Variants in WIPF1 observed in about 807,000 individuals in gnomAD.
The protein encoded by WIPF1 is WAS/WASL interacting protein family member 1.
In WIPF1, 13 loss-of-function variants were observed where a neutral mutation model predicts 35.4. The observed-to-expected ratio is 0.37, with a 90% CI of 0.24 to 0.58. The LOEUF is 0.58. Ranked by LOEUF, WIPF1 falls within the 20% of genes least tolerant of loss-of-function variation. The pLI, the probability that WIPF1 is intolerant of heterozygous loss-of-function variation, is 0.74. For missense variants in WIPF1, 591 were observed against 667.0 expected (o/e 0.89, Z 1.25); for synonymous variants, 267 against 266.3 (o/e 1.00, Z -0.02).
At chr2:174,682,758 G>A (rs1688282698) in intron 1 of WIPF1, 1 of 151,644 alleles carries the variant, frequency 6.6e-6, no homozygotes, top group South Asian at 2.1e-4. Context: ...CGCGCCAGAG[G>A]CGACGCGTCC....
At chr2:174,642,763 C>G (rs1425528686) in intron 1 of WIPF1, among the ~76,000 whole-genome samples, 1 of 149,158 alleles carries the variant, frequency 6.7e-6, no homozygotes, top group Non-Finnish European at 1.5e-5. Flanking sequence ...GATCCTCCTA[C>G]CTCAGCCTCC....
At chr2:174,586,459 G>C (rs1357750583) in intron 1 of WIPF1, among the ~76,000 whole-genome samples, 4 of 152,158 alleles carry the variant, frequency 2.6e-5, no homozygotes, top group Non-Finnish European at 5.9e-5. Flanking sequence ...ACAAAGGGAA[G>C]ACCAGATTCC....
At chr2:174,682,263 G>A (rs13390059) in intron 1 of WIPF1, among the ~76,000 whole-genome samples, 92 of 152,258 alleles carry the variant, frequency 6.0e-4, no homozygotes, top group African/African-American at 2.2e-3. Flanking sequence ...GGAGGGAGGC[G>A]GGCTGGAGCG....
At chr2:174,568,202 T>G in intron 5 of WIPF1, 129 bp from the exon 6 acceptor site, 1 of 1,179,958 alleles carries the variant, frequency 8.5e-7, no homozygotes. Context: ...TTCTAGGATA[T>G]TTGGCTGAGA....
intron 1 of WIPF1, among the ~76,000 whole-genome samples, chr2:174,594,065 C>T (rs1685719289): frequency 6.6e-6 from 1 of 152,244 alleles, no homozygotes; most frequent in Admixed American, 6.5e-5. Context: ...GCTTGCCATA[C>T]ACAGAATCCC....
intron 1 of WIPF1, among the ~76,000 whole-genome samples, chr2:174,661,877 G>A (rs1687768803): frequency 1.3e-5 from 2 of 152,170 alleles, no homozygotes; most frequent in Admixed American, 6.5e-5. Flanking sequence ...GTCTGGGGGG[G>A]TGTGGCTGCC....
intron 1 of WIPF1, among the ~76,000 whole-genome samples, chr2:174,609,153 G>T (rs1385844675): frequency 2.0e-5 from 3 of 152,166 alleles, no homozygotes; most frequent in African/African-American, 7.2e-5. Flanking sequence ...GGATTCAGAT[G>T]ATCTGCAATG....
intron 2 of WIPF1, among the ~76,000 whole-genome samples, chr2:174,583,581 G>C (rs1038227780): frequency 6.6e-6 from 1 of 152,112 alleles, no homozygotes; most frequent in Non-Finnish European, 1.5e-5. Flanking sequence ...TTTGAATTAG[G>C]TAACAACGGA....
chr2:174,670,169 C>A (rs1341788429), intron 1 of WIPF1, among the ~76,000 whole-genome samples: 1 of 152,110 alleles, frequency 6.6e-6, no homozygotes, highest in Non-Finnish European at 1.5e-5. Flanking sequence ...GATTAGGATT[C>A]CTTGCTTTTC....
intron 1 of WIPF1, among the ~76,000 whole-genome samples, chr2:174,638,853 G>A (rs536905912): frequency 7.2e-5 from 11 of 152,086 alleles, no homozygotes; most frequent in South Asian, 2.1e-4. Flanking sequence ...CACGGAGGGC[G>A]GATAACTCTT....
chr2:174,609,918 T>C (rs1029516946), intron 1 of WIPF1, among the ~76,000 whole-genome samples: 1 of 152,206 alleles, frequency 6.6e-6, no homozygotes, highest in Non-Finnish European at 1.5e-5. Flanking sequence ...TTACCAAACA[T>C]ATCACAGAGG....
intron 1 of WIPF1, among the ~76,000 whole-genome samples, chr2:174,610,590 C>A (rs189845801): frequency 2.5e-4 from 38 of 152,214 alleles, no homozygotes; most frequent in African/African-American, 8.7e-4. Context: ...TCACCCCCAC[C>A]ATCATTAAAT....
At chr2:174,640,576 C>T (rs1379800859) in intron 1 of WIPF1, among the ~76,000 whole-genome samples, 1 of 151,270 alleles carries the variant, frequency 6.6e-6, no homozygotes, top group Non-Finnish European at 1.5e-5. Flanking sequence ...ATCCCATGTA[C>T]ATGGATTTTA....
At chr2:174,623,237 A>C (rs1686731734) in intron 1 of WIPF1, among the ~76,000 whole-genome samples, 1 of 152,246 alleles carries the variant, frequency 6.6e-6, no homozygotes, top group East Asian at 1.9e-4. Flanking sequence ...TGAAACCAAT[A>C]AACATTTACT....
chr2:174,659,361 A>G lies in WIPF1; in HGVS notation c.-39+23413T>C, dbSNP rs113301231. Among the ~76,000 whole-genome samples, 11 of 152,336 alleles carry G rather than the reference A, an allele frequency of 7.2e-5. 3 individuals are homozygous for G. The highest frequency in any genetic ancestry group is 2.6e-4 in the African/African-American group (11 of 41,584). On this transcript the variant is annotated intron_variant, in intron 1 of 8. Coordinates refer to the WIPF1 transcript ENST00000272746. Reference sequence around the variant, plus strand: ...CAAAATCCATGGGTGTCTCAAGGAGAAGCATTATTTAAAGAATATAGTGCA... The same window carrying G: ...CAAAATCCATGGGTGTCTCAAGGAGGAGCATTATTTAAAGAATATAGTGCA...
intron 1 of WIPF1, among the ~76,000 whole-genome samples, chr2:174,612,240 T>C (rs1410162838): frequency 1.3e-5 from 2 of 152,218 alleles, no homozygotes; most frequent in Admixed American, 6.5e-5. Flanking sequence ...AAACCAGTTA[T>C]CATCTTAGAA....
At chr2:174,648,625 G>A (rs540202327) in intron 1 of WIPF1, among the ~76,000 whole-genome samples, 19 of 152,292 alleles carry the variant, frequency 1.2e-4, no homozygotes, top group African/African-American at 4.1e-4. Flanking sequence ...AACATGAACT[G>A]TAATATTCAT....
At chr2:174,643,253 T>G (rs1199382911) in intron 1 of WIPF1, among the ~76,000 whole-genome samples, 1 of 149,600 alleles carries the variant, frequency 6.7e-6, no homozygotes, top group Non-Finnish European at 1.5e-5. Context: ...ATTTGTTGGG[T>G]TAAGTCAATA....
rs748544131 is a variant in WIPF1 at position 174,572,324 on chromosome 2, GACC to G, written c.478_480del (p.Gly160del). ...ATTCGGTTCCTCTGAGGCTCTGGGG[GACC>G]ACTTCTGTGGCCTGGAGAAGGCACA... On this transcript the variant is annotated inframe_deletion, in exon 5 of 8. Coordinates refer to ENST00000679041, the MANE Select transcript of WIPF1 (RefSeq NM_001375834.1). The G allele has an allele frequency of 2.5e-6, 4 of 1,614,094 alleles. No homozygotes were observed. Among genetic ancestry groups the G allele is most frequent in the Non-Finnish European group, 3.4e-6 (4 of 1,179,996 alleles).
Sources: allele counts gnomAD v4.1 joint callset (sites outside exome capture counted in the v4.1 genomes callset), GRCh38; gene constraint gnomAD v4.1.1; transcripts MANE v1.5; gene names NCBI Gene and HGNC (gene_info 2026-07-23, HGNC 2026-07-21).